The following SOX6 variants were observed in gnomAD, a reference collection of about 807,000 sequenced individuals.
The protein encoded by SOX6 is transcription factor SOX-6.
In SOX6, 11 loss-of-function variants were observed where a neutral mutation model predicts 97.8. The ratio of observed to expected loss-of-function variants is 0.11; its 90% CI spans 0.07 to 0.19. The LOEUF (loss-of-function observed/expected upper bound fraction) is 0.19. SOX6 is among the 10% of genes least tolerant of loss of function. The probability of loss-of-function intolerance (pLI) is 1.00; values close to 1 mark genes in which losing one functional copy is unlikely to be tolerated. For synonymous variants in SOX6, 360 were observed against 371.4 expected, an observed-to-expected ratio of 0.97 and a Z score of 0.35; for missense variants, 810 against 1,039.5, an observed-to-expected ratio of 0.78 and a Z score of 3.04.
At chr11:16,508,143 A>G (rs148606535) in intron 4 of SOX6, among the ~76,000 whole-genome samples, 1 of 152,228 alleles carries the variant, frequency 6.6e-6, no homozygotes, top group Non-Finnish European at 1.5e-5. Context: ...ACATGAAAAA[A>G]TGTTCAACAT....
intron 4 of SOX6, among the ~76,000 whole-genome samples, chr11:16,192,140 C>T (rs1851649073): frequency 6.6e-6 from 1 of 152,152 alleles, no homozygotes. Context: ...ATTTTATCCT[C>T]CTCCAGAAAG....
intron 3 of SOX6, among the ~76,000 whole-genome samples, chr11:16,695,780 G>A (rs1848048414): frequency 6.6e-6 from 1 of 151,848 alleles, no homozygotes; most frequent in Non-Finnish European, 1.5e-5. Flanking sequence ...TTGGGGTCAG[G>A]AATTTGAGAC....
At chr11:16,362,168 T>C (rs1284603367) in intron 1 of SOX6, among the ~76,000 whole-genome samples, 1 of 152,046 alleles carries the variant, frequency 6.6e-6, no homozygotes, top group Non-Finnish European at 1.5e-5. Flanking sequence ...GAAATAAGAG[T>C]ATCTTGTGTT....
At chr11:16,539,075 T>G (rs1264245240) in intron 4 of SOX6, among the ~76,000 whole-genome samples, 1 of 152,152 alleles carries the variant, frequency 6.6e-6, no homozygotes, top group Non-Finnish European at 1.5e-5. Context: ...TAATTGGAAA[T>G]AAAACACTTC....
intron 6 of SOX6, among the ~76,000 whole-genome samples, chr11:16,165,707 G>A (rs895040329): frequency 6.6e-6 from 1 of 152,070 alleles, no homozygotes; most frequent in African/African-American, 2.4e-5. Context: ...AGACCAGCCT[G>A]GCCAACATGG....
intron 3 of SOX6, among the ~76,000 whole-genome samples, chr11:16,281,324 C>T (rs1289477840): frequency 2.6e-5 from 4 of 152,002 alleles, no homozygotes; most frequent in Non-Finnish European, 5.9e-5. Context: ...CTCCGAGTAA[C>T]AGAGACCCCA....
At chr11:16,267,884 G>A (rs927461037) in intron 3 of SOX6, among the ~76,000 whole-genome samples, 1 of 151,504 alleles carries the variant, frequency 6.6e-6, no homozygotes, top group Non-Finnish European at 1.5e-5. Context: ...GAAGAAAGAT[G>A]TCATTTGCAA....
intron 4 of SOX6, among the ~76,000 whole-genome samples, chr11:16,226,877 G>A (rs1852704412): frequency 6.6e-6 from 1 of 152,094 alleles, no homozygotes; most frequent in African/African-American, 2.4e-5. Flanking sequence ...AGTTGTTTGT[G>A]GGTTGCGGGA....
At chr11:16,304,777 A>T (rs553668743) in intron 3 of SOX6, among the ~76,000 whole-genome samples, 8 of 152,258 alleles carry the variant, frequency 5.3e-5, no homozygotes, top group African/African-American at 1.4e-4. Context: ...GGAATTTTCT[A>T]TATAGATAAT....
intron 4 of SOX6, among the ~76,000 whole-genome samples, chr11:16,599,621 T>A (rs1848246910): frequency 6.6e-6 from 1 of 152,156 alleles, no homozygotes; most frequent in Non-Finnish European, 1.5e-5. Context: ...AAAAGAAACA[T>A]ATCAGAATTT....
At position 15,968,992 on chromosome 11, in the gene SOX6, A is replaced by G. The variant is rs531399521; in HGVS notation, c.*3817T>C. 6.6e-6 allele frequency: 1 copy of G among 152,222 alleles called. No individual in the cohort carries two copies. The highest frequency in any genetic ancestry group is 2.1e-4 in the South Asian group (1 of 4,810). The allele number at this position is 152,222 out of a possible 1,614,324, so 9.4% of individuals were successfully genotyped here. A position where few individuals can be genotyped will look rare whatever the true frequency, so the allele number is the denominator to read the frequency against. On this transcript the variant is annotated 3_prime_UTR_variant, in exon 16 of 16. Coordinates refer to ENST00000683767, the MANE Select transcript of SOX6 (RefSeq NM_001367873.1). Reference sequence around the variant, plus strand: ...TCAGCCTAGCGGCTCGTATCCGCAAAGCGACCTTTTTTTTCTCTCTCCCTT... The same window carrying G: ...TCAGCCTAGCGGCTCGTATCCGCAAGGCGACCTTTTTTTTCTCTCTCCCTT...
intron 4 of SOX6, among the ~76,000 whole-genome samples, chr11:16,520,687 C>T (rs953257044): frequency 8.5e-5 from 13 of 152,342 alleles, no homozygotes; most frequent in East Asian, 1.9e-4. Context: ...TGGCCTCACT[C>T]GGGAAGCGCA....
chr11:16,732,123 A>G (rs1171830261), intron 2 of SOX6, among the ~76,000 whole-genome samples: 1 of 152,242 alleles, frequency 6.6e-6, no homozygotes, highest in Non-Finnish European at 1.5e-5. Context: ...TTCCATGCTT[A>G]TGAATAGGCA....
chr11:16,071,002 G>C (rs1848210743), intron 9 of SOX6, among the ~76,000 whole-genome samples: 1 of 152,234 alleles, frequency 6.6e-6, no homozygotes, highest in Non-Finnish European at 1.5e-5. Flanking sequence ...TGGTGCCTGA[G>C]AGCAGTAAGA....
At chr11:16,320,453 G>A (rs1364069501) in intron 2 of SOX6, among the ~76,000 whole-genome samples, 3 of 152,084 alleles carry the variant, frequency 2.0e-5, no homozygotes, top group Non-Finnish European at 2.9e-5. Context: ...TCGGATTATT[G>A]TCATTGTATA....
chr11:16,043,004 A>T (rs1009955940), intron 12 of SOX6, among the ~76,000 whole-genome samples: 2 of 152,176 alleles, frequency 1.3e-5, no homozygotes, highest in Non-Finnish European at 2.9e-5. Flanking sequence ...CAAGAAGGTC[A>T]GAGAGTTACA....
intron 2 of SOX6, among the ~76,000 whole-genome samples, chr11:16,337,805 T>A (rs1204629177): frequency 6.6e-6 from 1 of 152,158 alleles, no homozygotes; most frequent in Non-Finnish European, 1.5e-5. Context: ...ATTTCTAAAA[T>A]TTCTATTCTC....
intron 6 of SOX6, among the ~76,000 whole-genome samples, chr11:16,132,330 GGAA>G (rs1849779472): frequency 1.5e-5 from 1 of 68,434 alleles, no homozygotes; most frequent in Non-Finnish European, 3.0e-5. Context: ...AAGGAAGGAA[GGAA>G]AGAAAAAAGA....
At chr11:16,041,006 C>T (rs1173769111) in intron 12 of SOX6, among the ~76,000 whole-genome samples, 1 of 152,102 alleles carries the variant, frequency 6.6e-6, no homozygotes, top group Admixed American at 6.6e-5. Flanking sequence ...TCTTCCCTTA[C>T]TGCAAAAATC....
Sources: allele counts gnomAD v4.1 joint callset (sites outside exome capture counted in the v4.1 genomes callset), GRCh38; gene constraint gnomAD v4.1.1; transcripts MANE v1.5; gene names NCBI Gene and HGNC (gene_info 2026-07-23, HGNC 2026-07-21).